LRRN2: variants seen among roughly 807,000 people sequenced by gnomAD.
LRRN2 encodes the protein leucine rich repeat neuronal 2, also known as leucine-rich repeat neuronal protein 2.
A neutral mutation model predicts 35.7 loss-of-function variants in LRRN2; 10 were observed. That is an observed-to-expected ratio of 0.28 (90% CI 0.17 to 0.47). LRRN2 has a LOEUF of 0.47. Ranked by LOEUF, LRRN2 falls within the 20% of genes least tolerant of loss-of-function variation. The pLI, the probability that LRRN2 is intolerant of heterozygous loss-of-function variation, is 0.99. For synonymous variants in LRRN2, 391 were observed against 409.6 expected (o/e 0.95, Z 0.55); for missense variants, 731 against 940.3 (o/e 0.78, Z 2.91).
At chr1:204,623,574 C>T (rs1667080086) in intron 1 of LRRN2, among the ~76,000 whole-genome samples, 1 of 152,256 alleles carries the variant, frequency 6.6e-6, no homozygotes, top group Non-Finnish European at 1.5e-5. Context: ...GGATGCAGCT[C>T]AGAGCTGCCC....
intron 1 of LRRN2, among the ~76,000 whole-genome samples, chr1:204,625,481 A>T (rs1267580437): frequency 1.3e-5 from 2 of 150,424 alleles, no homozygotes; most frequent in South Asian, 2.2e-4. Flanking sequence ...GAGGTATAAC[A>T]TATGTACGGG....
intron 1 of LRRN2, among the ~76,000 whole-genome samples, chr1:204,652,771 C>G (rs147538255): frequency 6.6e-6 from 1 of 152,180 alleles, no homozygotes; most frequent in Non-Finnish European, 1.5e-5. Context: ...GCCCGGACAC[C>G]TGCAGATTGA....
chr1:204,643,006 A>G (rs1048890081), intron 1 of LRRN2, among the ~76,000 whole-genome samples: 1 of 152,176 alleles, frequency 6.6e-6, no homozygotes, highest in Admixed American at 6.5e-5. Flanking sequence ...GCCCACCCAC[A>G]CCATGACGGA....
At chr1:204,676,659 C>T (rs573408618) in intron 1 of LRRN2, among the ~76,000 whole-genome samples, 8 of 152,252 alleles carry the variant, frequency 5.3e-5, no homozygotes, top group South Asian at 2.1e-4. Context: ...TTTCTTCCCT[C>T]GGTATAAACT....
At chr1:204,636,966 G>A (rs12025348) in intron 1 of LRRN2, among the ~76,000 whole-genome samples, 1 of 152,332 alleles carries the variant, frequency 6.6e-6, no homozygotes, top group East Asian at 1.9e-4. Flanking sequence ...AAAGTGTACT[G>A]ATGTCTGCAA....
intron 1 of LRRN2, among the ~76,000 whole-genome samples, chr1:204,625,747 T>C (rs1667297743): frequency 6.6e-6 from 1 of 152,242 alleles, no homozygotes. Flanking sequence ...TAGGTTACTC[T>C]GGCATTAGGG....
intron 1 of LRRN2, among the ~76,000 whole-genome samples, chr1:204,667,905 C>A (rs969080844): frequency 6.6e-6 from 1 of 152,118 alleles, no homozygotes; most frequent in African/African-American, 2.4e-5. Context: ...TAGGCAGAAG[C>A]CACGCCAGGG....
intron 1 of LRRN2, among the ~76,000 whole-genome samples, chr1:204,668,835 T>C (rs1159088658): frequency 6.6e-6 from 1 of 152,202 alleles, no homozygotes; most frequent in African/African-American, 2.4e-5. Flanking sequence ...TTTTTCTTCT[T>C]GTTTTTGAGA....
intron 1 of LRRN2, among the ~76,000 whole-genome samples, chr1:204,657,615 G>GT (rs1668388255): frequency 1.3e-5 from 2 of 152,024 alleles, no homozygotes; most frequent in Non-Finnish European, 2.9e-5. Flanking sequence ...TGGGTATGGA[G>GT]TTTTTTGGGG....
intron 1 of LRRN2, among the ~76,000 whole-genome samples, chr1:204,646,439 C>T (rs999719158): frequency 1.3e-5 from 2 of 152,180 alleles, no homozygotes; most frequent in African/African-American, 2.4e-5. Context: ...TGGGTTACTA[C>T]AACCCAGGAG....
chr1:204,663,701 G>A (rs1668515959), intron 1 of LRRN2, among the ~76,000 whole-genome samples: 1 of 152,116 alleles, frequency 6.6e-6, no homozygotes, highest in Non-Finnish European at 1.5e-5. Flanking sequence ...TATCCTGTGC[G>A]CTGCTTGTTG....
chr1:204,676,293 T>A (rs1668822716), intron 1 of LRRN2, among the ~76,000 whole-genome samples: 1 of 152,208 alleles, frequency 6.6e-6, no homozygotes, highest in African/African-American at 2.4e-5. Context: ...CCAAGATTCA[T>A]GAACAGTCCC....
chr1:204,664,639 GCA>G (rs2102620504), intron 1 of LRRN2: 1 of 152,312 alleles, frequency 6.6e-6, no homozygotes, highest in South Asian at 2.1e-4. Flanking sequence ...TTCCTTCTGA[GCA>G]CAGACCCTTC....
chr1:204,681,602 G>T (rs548701402), intron 1 of LRRN2, among the ~76,000 whole-genome samples: 1 of 152,298 alleles, frequency 6.6e-6, no homozygotes, highest in African/African-American at 2.4e-5. Context: ...CTCCTTGAAG[G>T]CAGGGACATC....
At position 204,618,296 on chromosome 1, in the gene LRRN2, C is replaced by A. The variant is rs769933203; in HGVS notation, c.1697G>T (p.Gly566Val). Reference sequence around the variant, plus strand: ...GCGGGCCAGAGCTGTGGCCCCCTGGCCCCGGAGGGAGGAGGCACTGGACCA... The same window carrying A: ...GCGGGCCAGAGCTGTGGCCCCCTGGACCCGGAGGGAGGAGGCACTGGACCA... ...LTWSSASSLR[G>V]QGATALARLP... is the part of the protein sequence containing the mutation. The change falls in exon 2 of 2, where the codon GGC becomes GTC. Residue 566 changes from glycine (G) to valine (V), a missense_variant. This residue lies in a region of LRRN2 where 229 missense variants were observed against 258.4 expected (regional missense o/e 0.89). Coordinates refer to ENST00000367177, the MANE Select transcript of LRRN2 (RefSeq NM_201630.2). 1.3e-5 allele frequency: 21 copies of A among 1,598,522 alleles called. No homozygotes were observed. In the African/African-American group the frequency reaches 2.7e-4, roughly 20 times the overall value.
chr1:204,628,683 G>A (rs113450461), intron 1 of LRRN2: 4 of 152,258 alleles, frequency 2.6e-5, no homozygotes, highest in East Asian at 1.9e-4. Context: ...CCTTCCTAAC[G>A]GAGCTGCCCT....
At chr1:204,663,326 A>G (rs1668509102) in intron 1 of LRRN2, among the ~76,000 whole-genome samples, 1 of 152,168 alleles carries the variant, frequency 6.6e-6, no homozygotes, top group African/African-American at 2.4e-5. Flanking sequence ...AACTTTCCCA[A>G]CCATTATGCT....
chr1:204,619,612 G>A lies in LRRN2; in HGVS notation c.381C>T (p.Asn127=). ...TGTGGTCCTCCAGCCGGGTCAGCTG[G>A]TTCTCCTCTAGGTGCAGGCTCAGCA... ...PQLLSLHLEE[N]QLTRLEDHSF... Residue 127 remains asparagine, a synonymous_variant, in exon 2 of 2, where the codon AAC becomes AAT. Transcript: ENST00000367177. 1 of 1,614,192 alleles carries A rather than the reference G, an allele frequency of 6.2e-7. No individual in the cohort carries two copies. The highest frequency in any genetic ancestry group is 8.5e-7 in the Non-Finnish European group (1 of 1,180,042).
At chr1:204,639,711 T>G (rs1451143158) in intron 1 of LRRN2, among the ~76,000 whole-genome samples, 1 of 152,208 alleles carries the variant, frequency 6.6e-6, no homozygotes, top group Non-Finnish European at 1.5e-5. Flanking sequence ...GCAATACAAT[T>G]AGCTAATTTC....
Sources: allele counts gnomAD v4.1 joint callset (sites outside exome capture counted in the v4.1 genomes callset), GRCh38; gene constraint gnomAD v4.1.1; regional missense constraint gnomAD v4.1.1; transcripts MANE v1.5; gene names NCBI Gene and HGNC (gene_info 2026-07-23, HGNC 2026-07-21).